PROS1: variants seen among roughly 807,000 people sequenced by gnomAD.
PROS1 encodes protein S.
Under a neutral mutation model 75.9 loss-of-function variants are expected in PROS1, and 29 were observed. That is an observed-to-expected ratio of 0.38 (90% CI 0.28 to 0.52). The LOEUF (loss-of-function observed/expected upper bound fraction) is 0.52. Ranked by LOEUF, PROS1 falls within the 20% of genes least tolerant of loss-of-function variation. The pLI, the probability that PROS1 is intolerant of heterozygous loss-of-function variation, is 0.83. For missense variants in PROS1, 680 were observed against 810.3 expected (o/e 0.84, Z 1.95); for synonymous variants, 245 against 280.6 (o/e 0.87, Z 1.27).
chr3:93,930,349 T>TA (rs1424070643), intron 1 of PROS1, among the ~76,000 whole-genome samples: 5 of 152,340 alleles, frequency 3.3e-5, no homozygotes, highest in South Asian at 2.1e-4. Flanking sequence ...TGCTAGTTTG[T>TA]AATAAATACA....
chr3:93,910,915 A>T (rs1424112023), intron 3 of PROS1: 3 of 549,456 alleles, frequency 5.5e-6, no homozygotes, highest in Non-Finnish European at 9.9e-6. Flanking sequence ...GAAACATAAA[A>T]AATAAGTCTG....
Position 93,884,869 on chromosome 3 carries a change from G to C in PROS1, c.1351C>G (p.Arg451Gly). The C allele has an allele frequency of 6.2e-7, 1 of 1,612,944 alleles. No individual in the cohort carries two copies. The highest frequency in any genetic ancestry group is 8.5e-7 in the Non-Finnish European group (1 of 1,179,612). Residue 451 changes from arginine (R) to glycine (G), a missense_variant, in exon 12 of 15, where the codon CGA becomes GGA. Arg to Gly is a moderately radical substitution (Grantham distance 125, BLOSUM62 -2). Transcript: ENST00000394236. ...CCTTGCTTCATCAAATTCCAGCTTC[G>C]TATACATCCATCTAGACGAGGGTTA... The part of the protein sequence containing the change: ...PINPRLDGCI[R>G]SWNLMKQGAS...
At chr3:93,898,029 T>A (rs1036353330) in intron 8 of PROS1, among the ~76,000 whole-genome samples, 3 of 152,022 alleles carry the variant, frequency 2.0e-5, no homozygotes, top group Non-Finnish European at 4.4e-5. Flanking sequence ...ATAAACCCTA[T>A]AACGCCTAAG....
intron 1 of PROS1, among the ~76,000 whole-genome samples, chr3:93,957,310 G>A (rs1446176667): frequency 7.9e-5 from 12 of 152,160 alleles, no homozygotes; most frequent in Non-Finnish European, 1.8e-4. Context: ...AAGCTTAGAA[G>A]AACATAGAGC....
chr3:93,956,376 A>G (rs1277820499), intron 1 of PROS1, among the ~76,000 whole-genome samples: 2 of 152,152 alleles, frequency 1.3e-5, no homozygotes, highest in Admixed American at 6.5e-5. Flanking sequence ...TCATGCCTGT[A>G]GTCCCAGCTA....
intron 10 of PROS1, among the ~76,000 whole-genome samples, chr3:93,890,959 C>G (rs1318203798): frequency 4.6e-5 from 7 of 151,898 alleles, no homozygotes; most frequent in Admixed American, 3.9e-4. Flanking sequence ...ACAAAAACTA[C>G]CTGGGCATGG....
chr3:93,925,914 C>T (rs2107200163), intron 2 of PROS1, among the ~76,000 whole-genome samples: 1 of 151,424 alleles, frequency 6.6e-6, no homozygotes, highest in African/African-American at 2.4e-5. Context: ...TCAATGAGAC[C>T]AATGCTAGAA....
At chr3:93,932,849 C>T (rs1379103748) in intron 1 of PROS1, among the ~76,000 whole-genome samples, 1 of 152,170 alleles carries the variant, frequency 6.6e-6, no homozygotes, top group African/African-American at 2.4e-5. Flanking sequence ...CAAAGGTCTG[C>T]AGGTTGTCCA....
At chr3:93,896,485 C>A in intron 9 of PROS1, 91 bp downstream of exon 9, 1 of 942,462 alleles carries the variant, frequency 1.1e-6, no homozygotes, top group South Asian at 1.3e-5. Context: ...ATAGGTAATA[C>A]AATTTCACAC....
intron 1 of PROS1, among the ~76,000 whole-genome samples, chr3:93,938,599 T>C (rs1343933722): frequency 6.6e-6 from 1 of 152,202 alleles, no homozygotes; most frequent in Non-Finnish European, 1.5e-5. Flanking sequence ...AGCGGTCTTT[T>C]CACTCTCTTC....
At chr3:93,952,831 G>A (rs1576213616) in intron 1 of PROS1, among the ~76,000 whole-genome samples, 1 of 152,230 alleles carries the variant, frequency 6.6e-6, no homozygotes, top group East Asian at 1.9e-4. Flanking sequence ...TAGACCACTA[G>A]TGAGACTAAT....
At chr3:93,876,520 C>T (rs1439824230) in intron 14 of PROS1, among the ~76,000 whole-genome samples, 8 of 126,426 alleles carry the variant, frequency 6.3e-5, no homozygotes, top group Non-Finnish European at 1.1e-4. Context: ...ACCCAGGAGG[C>T]GGAGCTTGCA....
Position 93,873,420 on chromosome 3 carries a change from A to T in PROS1, c.*825T>A, listed in dbSNP as rs953627710. On this transcript the variant is annotated 3_prime_UTR_variant, in exon 15 of 15. Transcript: ENST00000394236. ...CACATTTTGGCAACTTACTCTGGTAATTAAAAGTTGGATTCAAGGAAAACT... is the reference window on the plus strand; with the variant it reads ...CACATTTTGGCAACTTACTCTGGTATTTAAAAGTTGGATTCAAGGAAAACT... 1.3e-5 allele frequency: 2 copies of T among 152,180 alleles called. No individual in the cohort carries two copies. The highest frequency in any genetic ancestry group is 1.3e-4 in the Admixed American group (2 of 15,292). The allele number at this position is 152,180 out of a possible 1,614,324, so 9.4% of individuals were successfully genotyped here.
chr3:93,943,999 C>T (rs572762080), intron 1 of PROS1, among the ~76,000 whole-genome samples: 3 of 152,318 alleles, frequency 2.0e-5, no homozygotes, highest in East Asian at 3.9e-4. Flanking sequence ...CCTGCCTGCA[C>T]CTAGGTGATT....
At chr3:93,947,692 G>A (rs1343466560) in intron 1 of PROS1, among the ~76,000 whole-genome samples, 2 of 151,978 alleles carry the variant, frequency 1.3e-5, no homozygotes, top group Non-Finnish European at 2.9e-5. Context: ...TCAGCCTCCA[G>A]AGTAGCTGGG....
intron 1 of PROS1, among the ~76,000 whole-genome samples, chr3:93,951,103 C>T (rs2107242913): frequency 6.6e-6 from 1 of 152,042 alleles, no homozygotes; most frequent in South Asian, 2.1e-4. Flanking sequence ...TGTGAAAAGG[C>T]CAAATCTATG....
intron 1 of PROS1, among the ~76,000 whole-genome samples, chr3:93,946,406 T>C (rs1709399658): frequency 2.0e-5 from 3 of 152,106 alleles, no homozygotes; most frequent in Admixed American, 1.3e-4. Context: ...CTTCAAACTA[T>C]ATTAAAAGGC....
chr3:93,928,322 A>T (rs1352396463), intron 1 of PROS1, among the ~76,000 whole-genome samples: 12 of 139,924 alleles, frequency 8.6e-5, no homozygotes, highest in Admixed American at 2.2e-4. Context: ...CCCTCATTCT[A>T]AAAAAAAAAA....
In PROS1 at chr3:93,893,056, G is replaced by T; in HGVS notation, c.1032C>A (p.Ile344=). The T allele has an allele frequency of 6.2e-7, 1 of 1,613,892 alleles. No individual in the cohort carries two copies. The highest frequency in any genetic ancestry group is 8.5e-7 in the Non-Finnish European group (1 of 1,179,896). ...SEGVILYAES[I]DHSAWLLIAL... ...CAATCAGGAGCCACGCTGAGTGATC[G>T]ATAGATTCTGCGTACAGTATCACGC... is the stretch of plus-strand genomic sequence containing the variant. The change falls in exon 10 of 15, where the codon ATC becomes ATA. Residue 344 remains isoleucine (I), a synonymous_variant. Coordinates refer to ENST00000394236, the MANE Select transcript of PROS1 (RefSeq NM_000313.4).
Sources: gnomAD v4.1 joint callset for allele counts (sites outside exome capture counted in the v4.1 genomes callset) on GRCh38, gnomAD v4.1.1 for gene constraint, MANE v1.5 for transcripts, NCBI Gene and HGNC (gene_info 2026-07-23, HGNC 2026-07-21) for gene names.